WDR48: variants seen among roughly 807,000 people sequenced by gnomAD.
WDR48 encodes WD repeat domain 48, also known as WD repeat-containing protein 48.
Under a neutral mutation model 94.0 loss-of-function variants are expected in WDR48, and 22 were observed. The observed-to-expected ratio is 0.23, with a 90% CI of 0.17 to 0.33. The LOEUF (loss-of-function observed/expected upper bound fraction) is 0.33. WDR48 is among the 10% of genes least tolerant of loss of function. The pLI is 1.00. For synonymous variants in WDR48, 278 were observed against 280.5 expected, an observed-to-expected ratio of 0.99 and a Z score of 0.09; for missense variants, 541 against 813.8, an observed-to-expected ratio of 0.66 and a Z score of 4.08.
chr3:39,079,654 C>A, intron 10 of WDR48, 57 bp from the exon 11 acceptor site: 1 of 1,260,980 alleles, frequency 7.9e-7, no homozygotes, highest in Non-Finnish European at 1.1e-6. Flanking sequence ...TGTTACCACA[C>A]CATGAATTTA....
chr3:39,055,617 G>C (rs1185772360), intron 1 of WDR48, among the ~76,000 whole-genome samples: 3 of 152,216 alleles, frequency 2.0e-5, no homozygotes, highest in Non-Finnish European at 4.4e-5. Flanking sequence ...AGATACGAGG[G>C]AAGAGGGATG....
At chr3:39,086,872 G>A (rs912346682) in intron 14 of WDR48, among the ~76,000 whole-genome samples, 1 of 152,168 alleles carries the variant, frequency 6.6e-6, no homozygotes, top group Non-Finnish European at 1.5e-5. Flanking sequence ...CATGGGAAAG[G>A]TAGGGCAGGG....
At chr3:39,061,949 G>C (rs2033296149) in intron 1 of WDR48, among the ~76,000 whole-genome samples, 2 of 151,420 alleles carry the variant, frequency 1.3e-5, no homozygotes, top group Non-Finnish European at 2.9e-5. Context: ...GGTTGTTTTT[G>C]TTGTTGTTGT....
intron 16 of WDR48, chr3:39,090,751 G>T (rs889372333): frequency 6.6e-6 from 1 of 152,034 alleles, no homozygotes; most frequent in African/African-American, 2.4e-5. Context: ...TGTACTGTTG[G>T]TCTATTTTGT....
At chr3:39,088,278 A>AAG in intron 15 of WDR48, 45 bp downstream of exon 15, 1 of 1,579,146 alleles carries the variant, frequency 6.3e-7, no homozygotes, top group Non-Finnish European at 8.7e-7. Flanking sequence ...AAGGTATCCC[A>AAG]TTTGCTAAGA....
At chr3:39,085,009 C>T (rs1407239766) in intron 13 of WDR48, among the ~76,000 whole-genome samples, 1 of 152,098 alleles carries the variant, frequency 6.6e-6, no homozygotes, top group Admixed American at 6.5e-5. Flanking sequence ...GGGTGGATCA[C>T]GAGGTCAGGG....
chr3:39,082,662 G>C (rs1285926301), intron 11 of WDR48, among the ~76,000 whole-genome samples: 3 of 152,184 alleles, frequency 2.0e-5, no homozygotes, highest in Non-Finnish European at 4.4e-5. Context: ...GTCCAGTTTG[G>C]TGAATGGAAG....
At chr3:39,094,271 G>A in intron 18 of WDR48, 2 of 1,433,316 alleles carry the variant, frequency 1.4e-6, no homozygotes, top group Non-Finnish European at 9.1e-7. Flanking sequence ...GGATGTGCTG[G>A]TAGCTTTTTT....
chr3:39,079,748 TAA>T lies in WDR48; in HGVS notation c.1114_1115del (p.Lys372GlufsTer10). The T allele has an allele frequency of 6.4e-7, 1 of 1,562,396 alleles. No individual in the cohort carries two copies. Among genetic ancestry groups the T allele is most frequent in the Non-Finnish European group, 8.6e-7 (1 of 1,162,216 alleles). On this transcript the variant is annotated frameshift_variant, in exon 11 of 19. Transcript: ENST00000302313. LOFTEE classifies it high-confidence loss of function. ...SIIQCHILND[K>X]RHILTKDTNN... ...TTATTCAGTGCCACATTCTTAATGATAAGAGACATATATTAACCAAAGATACC... is the reference window on the plus strand; with the variant it reads ...TTATTCAGTGCCACATTCTTAATGATGAGACATATATTAACCAAAGATACC...
intron 3 of WDR48, 121 bp from the exon 4 acceptor site, chr3:39,066,427 T>C: frequency 1.2e-6 from 1 of 823,684 alleles, no homozygotes; most frequent in Non-Finnish European, 1.9e-6. Flanking sequence ...CTTTTAGGTA[T>C]GTTTGTGTGT....
chr3:39,078,341 A>C, intron 10 of WDR48, 102 bp downstream of exon 10: 1 of 803,118 alleles, frequency 1.2e-6, no homozygotes, highest in Non-Finnish European at 2.1e-6. Flanking sequence ...TATAATCCTG[A>C]TGTAAACAAA....
intron 8 of WDR48, 126 bp downstream of exon 8, chr3:39,075,076 G>C (rs1245204876): frequency 3.4e-6 from 3 of 882,082 alleles, no homozygotes; most frequent in South Asian, 1.8e-5. Flanking sequence ...TTGTAAAAAA[G>C]ATATTCCATC....
In WDR48 at chr3:39,069,701, C is replaced by T. The variant is rs576055435; in HGVS notation, c.629C>T (p.Thr210Met). 10 of 1,613,484 alleles carry T rather than the reference C, an allele frequency of 6.2e-6. No homozygotes were observed. Among genetic ancestry groups the T allele is most frequent in the Admixed American group, 5.0e-5 (3 of 59,994 alleles). Reference sequence around the variant, plus strand: ...AAACTAATGAAGCTTAAAGGGCACACGGATAATGTGAAGGCATTGCTATTA... The same window carrying T: ...AAACTAATGAAGCTTAAAGGGCACATGGATAATGTGAAGGCATTGCTATTA... ...CAKLMKLKGH[T>M]DNVKALLLNR... The change falls in exon 7 of 19, where the codon ACG (threonine) becomes ATG (methionine). Residue 210 changes from threonine to methionine, a missense_variant. Around this residue, in one of 5 missense-constraint regions of WDR48, gnomAD observed 104 missense variants for 189.7 expected, o/e 0.55. Transcript: ENST00000302313.
intron 2 of WDR48, among the ~76,000 whole-genome samples, chr3:39,065,453 A>G (rs913504472): frequency 2.6e-5 from 4 of 152,054 alleles, no homozygotes; most frequent in African/African-American, 4.8e-5. Flanking sequence ...CCCACAGCCT[A>G]CAGATTCCTA....
Position 39,076,498 on chromosome 3 carries a change from C to T in WDR48, c.898-641C>T, listed in dbSNP as rs183110926. Reference sequence around the variant, plus strand: ...AATTATATGTTATAAGGAATATCATCTTGAACTGAGGAGGATTGCTGCTAG... The same window carrying T: ...AATTATATGTTATAAGGAATATCATTTTGAACTGAGGAGGATTGCTGCTAG... On this transcript the variant is annotated intron_variant, in intron 8 of 18. Transcript: ENST00000302313. Among the ~76,000 whole-genome samples the T allele has an allele frequency of 2.5e-3, 384 of 152,308 alleles. 3 individuals carry two copies. Among genetic ancestry groups the T allele is most frequent in the Non-Finnish European group, 4.7e-3 (320 of 68,030 alleles).
In WDR48 at chr3:39,054,013, GC is replaced by G. The variant is rs535809624; in HGVS notation, c.48+1941del. 2.3e-3 allele frequency among the ~76,000 whole-genome samples: 350 copies of G among 152,282 alleles called. 3 individuals carry two copies. Among genetic ancestry groups the G allele is most frequent in the African/African-American group, 7.8e-3 (323 of 41,546 alleles). On this transcript the variant is annotated intron_variant, in intron 1 of 18. Coordinates refer to ENST00000302313, the MANE Select transcript of WDR48 (RefSeq NM_020839.4). ...TTTCCTATGAAGAACTTTTGAAAGA[GC>G]TGTCTTAGATTAACCTGCTGAAGAG... is the stretch of plus-strand genomic sequence containing the variant.
At chr3:39,093,512 A>AGTAGAGACGGGATTTC (rs1474798381) in intron 17 of WDR48, among the ~76,000 whole-genome samples, 2 of 152,084 alleles carry the variant, frequency 1.3e-5, no homozygotes, top group African/African-American at 2.4e-5. Flanking sequence ...TTTGTATTTT[A>AGTAGAGACGGGATTTC]GTAGAGACGG....
chr3:39,085,407 A>G (rs531281428), intron 13 of WDR48, 108 bp from the exon 14 acceptor site: 12 of 893,046 alleles, frequency 1.3e-5, no homozygotes, highest in Admixed American at 2.3e-5. Context: ...TTGGGTTAAG[A>G]ATGTAACATC....
intron 10 of WDR48, 69 bp from the exon 11 acceptor site, chr3:39,079,642 A>G: frequency 2.5e-6 from 3 of 1,179,628 alleles, no homozygotes; most frequent in South Asian, 3.0e-5. Flanking sequence ...CCAGTTAACA[A>G]TTGTTACCAC....
Sources: gnomAD v4.1 joint callset for allele counts (sites outside exome capture counted in the v4.1 genomes callset) on GRCh38, gnomAD v4.1.1 for gene constraint, gnomAD v4.1.1 regional missense constraint, MANE v1.5 for transcripts, NCBI Gene and HGNC (gene_info 2026-07-23, HGNC 2026-07-21) for gene names.